Variants in EXT1 observed in about 807,000 individuals in gnomAD.
The protein encoded by EXT1 is exostosin glycosyltransferase 1, also known as exostosin-1.
Under a neutral mutation model 82.5 loss-of-function variants are expected in EXT1, and 20 were observed. The observed-to-expected ratio is 0.24, with a 90% CI of 0.17 to 0.35. The LOEUF (loss-of-function observed/expected upper bound fraction) is 0.35. EXT1 is among the 10% of genes least tolerant of loss of function. The probability of loss-of-function intolerance (pLI) is 1.00; values close to 1 mark genes in which losing one functional copy is unlikely to be tolerated. For synonymous variants in EXT1, 348 were observed against 350.8 expected (o/e 0.99, Z 0.09); for missense variants, 757 against 936.5 (o/e 0.81, Z 2.50).
At chr8:118,082,144 T>C (rs1442329660) in intron 1 of EXT1, among the ~76,000 whole-genome samples, 3 of 152,170 alleles carry the variant, frequency 2.0e-5, no homozygotes, top group Non-Finnish European at 2.9e-5. Flanking sequence ...GATGGCAACA[T>C]GTGACCTCAG....
intron 1 of EXT1, among the ~76,000 whole-genome samples, chr8:117,961,156 C>T (rs1032980041): frequency 6.6e-6 from 1 of 152,110 alleles, no homozygotes; most frequent in Non-Finnish European, 1.5e-5. Flanking sequence ...TTCCTTCCCT[C>T]CCTTCTGTCT....
At chr8:118,047,838 G>A (rs1816646780) in intron 1 of EXT1, among the ~76,000 whole-genome samples, 1 of 152,102 alleles carries the variant, frequency 6.6e-6, no homozygotes, top group Non-Finnish European at 1.5e-5. Flanking sequence ...TAAAGTGGGA[G>A]GCAGAGTCTA....
Position 118,007,497 on chromosome 8 carries a change from T to C in EXT1, c.962+102588A>G, listed in dbSNP as rs7818887. 6.1e-3 allele frequency among the ~76,000 whole-genome samples: 934 copies of C among 152,300 alleles called. 9 individuals are homozygous for C. The highest frequency in any genetic ancestry group is 0.022 in the African/African-American group (896 of 41,564). ...AGGAAAATGCATCAGAACAAACAGT[T>C]AGTGCATGTGGGGCTTCATACCTAG... is the stretch of plus-strand genomic sequence containing the variant. On this transcript the variant is annotated intron_variant, in intron 1 of 10. Transcript: ENST00000378204.
chr8:118,109,433 G>A (rs982026293), intron 1 of EXT1, among the ~76,000 whole-genome samples: 1 of 108,152 alleles, frequency 9.2e-6, no homozygotes, highest in African/African-American at 3.0e-5. Flanking sequence ...ATAAATGAAT[G>A]AATGAATGAA....
intron 1 of EXT1, among the ~76,000 whole-genome samples, chr8:118,096,456 A>G (rs765918315): frequency 4.0e-4 from 61 of 152,120 alleles, no homozygotes; most frequent in Non-Finnish European, 7.6e-4. Flanking sequence ...CCCCATCTGT[A>G]CTAAAAATAC....
chr8:117,971,070 G>A (rs1814929565), intron 1 of EXT1, among the ~76,000 whole-genome samples: 1 of 152,144 alleles, frequency 6.6e-6, no homozygotes, highest in African/African-American at 2.4e-5. Flanking sequence ...GCCTGCCCAA[G>A]AAGCACGAGG....
rs17504046 is a variant in EXT1 at position 117,889,334 on chromosome 8, C to T, written c.963-52133G>A. Among the ~76,000 whole-genome samples, 685 of 152,258 alleles carry T rather than the reference C, an allele frequency of 4.5e-3. 7 individuals are homozygous for T. The highest frequency in any genetic ancestry group is 0.015 in the South Asian group (73 of 4,818). ...AGCTATTTATCACCCTAATCCACACCGTAACTAATTCAAGTTTTTAAAATA... is the reference window on the plus strand; with the variant it reads ...AGCTATTTATCACCCTAATCCACACTGTAACTAATTCAAGTTTTTAAAATA... On this transcript the variant is annotated intron_variant, in intron 1 of 10. Transcript: ENST00000378204.
intron 1 of EXT1, among the ~76,000 whole-genome samples, chr8:117,981,378 T>C (rs1815199320): frequency 6.6e-6 from 1 of 152,208 alleles, no homozygotes; most frequent in African/African-American, 2.4e-5. Context: ...CAAGAATAGA[T>C]AAATATTTGG....
intron 1 of EXT1, among the ~76,000 whole-genome samples, chr8:117,929,466 C>T (rs768401423): frequency 6.6e-6 from 1 of 152,234 alleles, no homozygotes; most frequent in Non-Finnish European, 1.5e-5. Flanking sequence ...CGTTGCCATG[C>T]TCACAGACTA....
At chr8:118,107,941 A>C (rs1817828543) in intron 1 of EXT1, among the ~76,000 whole-genome samples, 3 of 152,212 alleles carry the variant, frequency 2.0e-5, no homozygotes, top group Admixed American at 2.0e-4. Context: ...GCTTGGGAGA[A>C]AGAGCAAACT....
intron 1 of EXT1, among the ~76,000 whole-genome samples, chr8:117,882,281 C>T (rs1453132516): frequency 1.3e-5 from 2 of 152,098 alleles, no homozygotes; most frequent in African/African-American, 4.8e-5. Flanking sequence ...ATGGGTTTTA[C>T]CATGTTGGCC....
intron 1 of EXT1, among the ~76,000 whole-genome samples, chr8:117,944,295 G>A (rs1432718022): frequency 5.9e-5 from 9 of 152,198 alleles, no homozygotes; most frequent in Admixed American, 4.6e-4. Context: ...AGCTACTCAG[G>A]AAGCTGAGGC....
intron 1 of EXT1, among the ~76,000 whole-genome samples, chr8:118,089,692 G>A (rs529213017): frequency 4.6e-5 from 7 of 152,232 alleles, no homozygotes; most frequent in East Asian, 3.9e-4. Flanking sequence ...AAAAACCTTG[G>A]GTGTTCTCTA....
In EXT1 at chr8:118,110,144, G is replaced by T; in HGVS notation, c.903C>A (p.Gly301=). 1.2e-6 allele frequency: 2 copies of T among 1,614,218 alleles called. No individual in the cohort carries two copies. The highest frequency in any genetic ancestry group is 1.7e-6 in the Non-Finnish European group (2 of 1,180,046). The change falls in exon 1 of 11, where the codon GGC becomes GGA. Residue 301 remains glycine, a synonymous_variant. Coordinates refer to ENST00000378204, the MANE Select transcript of EXT1 (RefSeq NM_000127.3). ...DVVLLTTCKH[G]KDWQKHKDSR... ...AATCCTTGTGCTTTTGCCAGTCTTTGCCATGCTTGCAGGTGGTGAGGAGCA... is the reference window on the plus strand; with the variant it reads ...AATCCTTGTGCTTTTGCCAGTCTTTTCCATGCTTGCAGGTGGTGAGGAGCA...
intron 1 of EXT1, among the ~76,000 whole-genome samples, chr8:118,066,251 G>C (rs1453954718): frequency 6.6e-6 from 1 of 151,988 alleles, no homozygotes; most frequent in Non-Finnish European, 1.5e-5. Context: ...AGCCCTTCAT[G>C]ATGATCCACT....
At chr8:118,010,168 C>T (rs533802729) in intron 1 of EXT1, among the ~76,000 whole-genome samples, 2 of 151,814 alleles carry the variant, frequency 1.3e-5, no homozygotes, top group Admixed American at 1.3e-4. Flanking sequence ...GTCAGGAGCT[C>T]GAGACCATCC....
intron 1 of EXT1, among the ~76,000 whole-genome samples, chr8:118,077,745 A>G (rs1257367506): frequency 6.6e-6 from 1 of 152,242 alleles, no homozygotes; most frequent in Non-Finnish European, 1.5e-5. Context: ...AATGTTTTTA[A>G]AGAGTTACCT....
chr8:117,962,708 A>G (rs1448613108), intron 1 of EXT1, among the ~76,000 whole-genome samples: 1 of 151,906 alleles, frequency 6.6e-6, no homozygotes, highest in African/African-American at 2.4e-5. Context: ...AGCCCAGATC[A>G]TGCCACTGCA....
intron 1 of EXT1, among the ~76,000 whole-genome samples, chr8:117,980,118 C>G (rs1250541694): frequency 6.6e-6 from 1 of 152,188 alleles, no homozygotes; most frequent in African/African-American, 2.4e-5. Context: ...CCAGAGGCTT[C>G]AAGATGCCCC....
Sources: gnomAD v4.1 joint callset for allele counts (sites outside exome capture counted in the v4.1 genomes callset) on GRCh38, gnomAD v4.1.1 for gene constraint, MANE v1.5 for transcripts, NCBI Gene and HGNC (gene_info 2026-07-23, HGNC 2026-07-21) for gene names.